The following KLHL1 variants were observed in gnomAD, a reference collection of about 807,000 sequenced individuals.
KLHL1 encodes the protein kelch like family member 1.
Under a neutral mutation model 77.7 loss-of-function variants are expected in KLHL1, and 47 were observed. The observed-to-expected ratio is 0.60, with a 90% CI of 0.48 to 0.77. KLHL1 has a LOEUF of 0.77. Among genes scored for constraint, KLHL1 ranks in the 30% least tolerant of loss-of-function variants. KLHL1 has a pLI of 0.00. For missense variants in KLHL1, 925 were observed against 910.8 expected (o/e 1.02, Z -0.20); for synonymous variants, 360 against 325.2 (o/e 1.11, Z -1.15).
intron 3 of KLHL1, among the ~76,000 whole-genome samples, chr13:69,958,080 A>T (rs1484187902): frequency 1.3e-5 from 2 of 151,676 alleles, no homozygotes; most frequent in Non-Finnish European, 2.9e-5. Context: ...TTATTTTTTT[A>T]AATTCTTTTG....
chr13:69,813,473 C>CACACATAT (rs1877982690), intron 6 of KLHL1, among the ~76,000 whole-genome samples: 1 of 127,938 alleles, frequency 7.8e-6, no homozygotes, highest in African/African-American at 3.0e-5. Context: ...CACATATATA[C>CACACATAT]ACACACATAC....
chr13:69,921,708 T>G (rs1882644160), intron 4 of KLHL1, among the ~76,000 whole-genome samples: 1 of 152,154 alleles, frequency 6.6e-6, no homozygotes, highest in Admixed American at 6.5e-5. Context: ...AAACAATATT[T>G]TTTCAAATTT....
intron 2 of KLHL1, among the ~76,000 whole-genome samples, chr13:69,969,534 A>C (rs1305059723): frequency 6.6e-6 from 1 of 152,132 alleles, no homozygotes; most frequent in Non-Finnish European, 1.5e-5. Flanking sequence ...AAAATATATC[A>C]ACATAAAGTT....
intron 4 of KLHL1, among the ~76,000 whole-genome samples, chr13:69,884,934 CT>C (rs377362177): frequency 4.1e-4 from 55 of 133,596 alleles, no homozygotes; most frequent in Non-Finnish European, 7.2e-4. Flanking sequence ...TTTTTCTTTT[CT>C]TTTTTTTTTT....
At chr13:69,978,893 T>C (rs912187232) in intron 1 of KLHL1, among the ~76,000 whole-genome samples, 6 of 152,096 alleles carry the variant, frequency 3.9e-5, no homozygotes, top group African/African-American at 1.4e-4. Context: ...GTGGTGGGTG[T>C]ACTATTAAAG....
At chr13:69,751,524 C>T (rs576256108) in intron 7 of KLHL1, among the ~76,000 whole-genome samples, 67 of 152,134 alleles carry the variant, frequency 4.4e-4, no homozygotes, top group African/African-American at 1.6e-3. Context: ...GCAGAAGAAA[C>T]ACTCGTGTTG....
chr13:69,985,132 C>T, intron 1 of KLHL1, among the ~76,000 whole-genome samples: 1 of 112,274 alleles, frequency 8.9e-6, no homozygotes, highest in East Asian at 2.0e-4. Flanking sequence ...AACAAGCAAA[C>T]AACAACAACA....
At chr13:69,970,264 A>G (rs887424702) in intron 2 of KLHL1, among the ~76,000 whole-genome samples, 29 of 152,110 alleles carry the variant, frequency 1.9e-4, no homozygotes, top group African/African-American at 6.8e-4. Flanking sequence ...TTTCATTATA[A>G]CTAAATTAAA....
At chr13:69,935,466 C>T (rs753027636) in intron 4 of KLHL1, among the ~76,000 whole-genome samples, 2 of 152,020 alleles carry the variant, frequency 1.3e-5, no homozygotes, top group South Asian at 4.2e-4. Context: ...AAGCCAGGAA[C>T]TAAACAAGGA....
intron 7 of KLHL1, among the ~76,000 whole-genome samples, chr13:69,772,746 G>C (rs1026295385): frequency 3.9e-5 from 6 of 152,098 alleles, no homozygotes; most frequent in Non-Finnish European, 8.8e-5. Context: ...GTTGTTTCTG[G>C]ATGAACAAAG....
At chr13:69,778,792 C>CTTTTTTT (rs1172258314) in intron 7 of KLHL1, among the ~76,000 whole-genome samples, 24 of 99,190 alleles carry the variant, frequency 2.4e-4, no homozygotes, top group Non-Finnish European at 3.0e-4. Context: ...TATTCCCTCT[C>CTTTTTTT]TTTTTTTTTT....
At chr13:69,987,018 T>G (rs959618431) in intron 1 of KLHL1, among the ~76,000 whole-genome samples, 12 of 150,952 alleles carry the variant, frequency 7.9e-5, no homozygotes, top group African/African-American at 2.9e-4. Context: ...CAAGATAAAA[T>G]ATATGTTTAT....
At chr13:69,717,109 T>C (rs1420171396) in intron 9 of KLHL1, among the ~76,000 whole-genome samples, 1 of 152,168 alleles carries the variant, frequency 6.6e-6, no homozygotes, top group East Asian at 1.9e-4. Flanking sequence ...TGATAAACAT[T>C]ATATAACTGT....
chr13:69,819,764 TTTTTG>T lies in KLHL1; in HGVS notation c.1414+19207_1414+19211del, dbSNP rs753855891. ...TAGGATTTCCTTACCTAGGCTCTGC[TTTTTG>T]TTCACAGCTATCATGTATAAGGTGA... On this transcript the variant is annotated intron_variant, in intron 6 of 10. Coordinates refer to ENST00000377844, the MANE Select transcript of KLHL1 (RefSeq NM_020866.3). Among the ~76,000 whole-genome samples the T allele has an allele frequency of 4.6e-5, 7 of 152,230 alleles. No individual in the cohort carries two copies. The East Asian group carries it at 1.3e-3, about 29-fold the overall frequency.
chr13:69,895,896 C>T (rs11617232), intron 4 of KLHL1, among the ~76,000 whole-genome samples: 13,815 of 151,872 alleles, frequency 0.091, 891 homozygotes, highest in Non-Finnish European at 0.14. Flanking sequence ...TTAGTAGAGA[C>T]AGGGTTTTGC....
At chr13:70,080,334 C>T (rs933604859) in intron 1 of KLHL1, among the ~76,000 whole-genome samples, 1 of 152,096 alleles carries the variant, frequency 6.6e-6, no homozygotes, top group Non-Finnish European at 1.5e-5. Context: ...TTTATACTTC[C>T]CCAAATGAAA....
At chr13:69,762,391 T>G (rs1875070990) in intron 7 of KLHL1, among the ~76,000 whole-genome samples, 1 of 152,116 alleles carries the variant, frequency 6.6e-6, no homozygotes. Context: ...TATGACTAAG[T>G]GCTGCAAGGC....
At chr13:70,052,891 A>C (rs910437869) in intron 1 of KLHL1, among the ~76,000 whole-genome samples, 1 of 152,056 alleles carries the variant, frequency 6.6e-6, no homozygotes, top group Non-Finnish European at 1.5e-5. Flanking sequence ...TTATTATTTT[A>C]TTCCTTACAT....
At chr13:69,842,705 G>A (rs545863999) in intron 5 of KLHL1, among the ~76,000 whole-genome samples, 1 of 151,862 alleles carries the variant, frequency 6.6e-6, no homozygotes, top group Admixed American at 6.6e-5. Context: ...CAAAGGAAAA[G>A]AAATCAGTAT....
Sources: allele counts gnomAD v4.1 joint callset (sites outside exome capture counted in the v4.1 genomes callset), GRCh38; gene constraint gnomAD v4.1.1; transcripts MANE v1.5; gene names NCBI Gene and HGNC (gene_info 2026-07-23, HGNC 2026-07-21).